Variants in SNX29 observed in about 807,000 individuals in gnomAD.
SNX29 encodes sorting nexin 29.
A neutral mutation model predicts 102.1 loss-of-function variants in SNX29; 78 were observed. That is an observed-to-expected ratio of 0.76 (90% CI 0.64 to 0.92). The LOEUF is 0.92. SNX29 is among the 40% of genes least tolerant of loss of function. SNX29 has a pLI of 0.00. For missense variants in SNX29, 1,280 were observed against 1,061.7 expected (o/e 1.21, Z -2.86); for synonymous variants, 580 against 414.5 (o/e 1.40, Z -4.85).
intron 8 of SNX29, 121 bp downstream of exon 8, chr16:12,052,343 A>C (rs2050343511): frequency 8.9e-7 from 1 of 1,129,622 alleles, no homozygotes. Context: ...CAGCCTCCCG[A>C]GTAGCTGGGA....
intron 20 of SNX29, chr16:12,526,766 C>G: frequency 4.7e-6 from 2 of 429,926 alleles, no homozygotes; most frequent in South Asian, 4.2e-5. Flanking sequence ...GCCCCATCCG[C>G]AAGTCAGTGT....
At chr16:12,371,604 C>T (rs536789487) in intron 16 of SNX29, among the ~76,000 whole-genome samples, 11 of 152,300 alleles carry the variant, frequency 7.2e-5, no homozygotes, top group African/African-American at 2.6e-4. Flanking sequence ...TGCACCCAGC[C>T]AGATTTTTAT....
At chr16:12,479,457 C>G (rs1294820554) in intron 19 of SNX29, among the ~76,000 whole-genome samples, 2 of 152,134 alleles carry the variant, frequency 1.3e-5, no homozygotes, top group African/African-American at 4.8e-5. Flanking sequence ...CCTGATCACG[C>G]CAAGGTCTGC....
At chr16:12,558,273 G>C (rs964363136) in intron 20 of SNX29, among the ~76,000 whole-genome samples, 3 of 152,086 alleles carry the variant, frequency 2.0e-5, no homozygotes, top group Non-Finnish European at 4.4e-5. Flanking sequence ...GAAATGTCAG[G>C]CTGAGCCAGC....
chr16:12,170,760 G>T (rs1372818501), intron 13 of SNX29, among the ~76,000 whole-genome samples: 2 of 123,442 alleles, frequency 1.6e-5, no homozygotes, highest in Non-Finnish European at 1.5e-5. Flanking sequence ...GTGTGTGTGT[G>T]AGAGGAGTGT....
At chr16:12,039,858 A>G (rs577891014) in intron 4 of SNX29, among the ~76,000 whole-genome samples, 4 of 152,226 alleles carry the variant, frequency 2.6e-5, no homozygotes, top group Non-Finnish European at 4.4e-5. Context: ...TCCTGGCTTC[A>G]GACCTTGTCT....
Position 12,571,595 on chromosome 16 carries a change from C to T in SNX29, c.*2966C>T. 1 of 1,059,848 alleles carries T rather than the reference C, an allele frequency of 9.4e-7. No individual in the cohort carries two copies. The highest frequency in any genetic ancestry group is 1.1e-6 in the Non-Finnish European group (1 of 875,484). 65.7% of individuals were successfully genotyped at this position (1,059,848 alleles called of 1,614,324 possible). A position where few individuals can be genotyped will look rare whatever the true frequency, so the allele number is the denominator to read the frequency against. On this transcript the variant is annotated 3_prime_UTR_variant, in exon 21 of 21. Transcript: ENST00000566228. ...GTCTTCATGGCCTGCTGTGCTGAAACAGAACAGCAGGTTCCATCTTTCACA... is the reference window on the plus strand; with the variant it reads ...GTCTTCATGGCCTGCTGTGCTGAAATAGAACAGCAGGTTCCATCTTTCACA...
intron 15 of SNX29, among the ~76,000 whole-genome samples, chr16:12,319,050 C>T (rs1237139383): frequency 1.3e-5 from 2 of 152,178 alleles, no homozygotes; most frequent in Non-Finnish European, 2.9e-5. Context: ...TTCTTCACAT[C>T]CCCAGTAAAA....
At chr16:12,151,129 C>A (rs1400029123) in intron 13 of SNX29, among the ~76,000 whole-genome samples, 1 of 152,150 alleles carries the variant, frequency 6.6e-6, no homozygotes, top group East Asian at 1.9e-4. Flanking sequence ...TGTACCCATC[C>A]CCCAGTCTTC....
chr16:12,562,789 A>C (rs559234328), intron 20 of SNX29, among the ~76,000 whole-genome samples: 1 of 152,116 alleles, frequency 6.6e-6, no homozygotes, highest in Non-Finnish European at 1.5e-5. Flanking sequence ...AGCCATCACC[A>C]TCAAGATGTG....
chr16:12,460,661 T>TC, intron 18 of SNX29, among the ~76,000 whole-genome samples: 1 of 150,886 alleles, frequency 6.6e-6, no homozygotes, highest in East Asian at 1.9e-4. Flanking sequence ...TGAACTCTTT[T>TC]TTTTTTTTTT....
intron 4 of SNX29, among the ~76,000 whole-genome samples, chr16:12,031,262 G>A (rs1422684710): frequency 4.0e-5 from 6 of 151,698 alleles, no homozygotes; most frequent in Admixed American, 3.9e-4. Flanking sequence ...GGTAGAGATG[G>A]GGTTTCCTCA....
chr16:12,550,646 G>A lies in SNX29; in HGVS notation c.2319-17860G>A, dbSNP rs188326719. Among the ~76,000 whole-genome samples the A allele has an allele frequency of 6.9e-3, 1,051 of 152,070 alleles. 9 individuals carry two copies. The highest frequency in any genetic ancestry group is 0.014 in the Middle Eastern group (4 of 294). On this transcript the variant is annotated intron_variant, in intron 20 of 20. Coordinates refer to ENST00000566228, the MANE Select transcript of SNX29 (RefSeq NM_032167.5). Reference sequence around the variant, plus strand: ...TAGAAAGACACATTAAAAAGTAACCGTCACTTAGTGGAGGACCAAGGTGGG... The same window carrying A: ...TAGAAAGACACATTAAAAAGTAACCATCACTTAGTGGAGGACCAAGGTGGG...
At position 12,572,313 on chromosome 16, in the gene SNX29, G is replaced by C. The variant is rs554330956; in HGVS notation, c.*3684G>C. 2.3e-5 allele frequency: 24 copies of C among 1,063,064 alleles called. No homozygotes were observed. In the East Asian group the frequency reaches 1.0e-3, roughly 45 times the overall value. 65.9% of individuals were successfully genotyped at this position (1,063,064 alleles called of 1,614,324 possible). ...GGGCCAGTGATCACAATCCAGGTTGGAAACAGGAGTGAAGCCCACCAGCCT... is the reference window on the plus strand; with the variant it reads ...GGGCCAGTGATCACAATCCAGGTTGCAAACAGGAGTGAAGCCCACCAGCCT... On this transcript the variant is annotated 3_prime_UTR_variant, in exon 21 of 21. Transcript: ENST00000566228.
At chr16:12,539,972 A>G (rs2077252774) in intron 20 of SNX29, among the ~76,000 whole-genome samples, 1 of 152,064 alleles carries the variant, frequency 6.6e-6, no homozygotes, top group South Asian at 2.1e-4. Context: ...AGTTGCACAT[A>G]TTTTCTTCTA....
At chr16:12,388,224 G>A (rs535830268) in intron 16 of SNX29, among the ~76,000 whole-genome samples, 77 of 152,262 alleles carry the variant, frequency 5.1e-4, no homozygotes, top group African/African-American at 1.7e-3. Context: ...GCACAACTTG[G>A]GATTCAGCCA....
intron 15 of SNX29, among the ~76,000 whole-genome samples, chr16:12,299,019 G>A (rs1481525562): frequency 1.3e-5 from 2 of 151,480 alleles, no homozygotes; most frequent in Non-Finnish European, 2.9e-5. Context: ...AAAAAATAGG[G>A]CTGGGCACGG....
intron 14 of SNX29, among the ~76,000 whole-genome samples, chr16:12,224,287 C>T (rs1188330730): frequency 1.3e-5 from 2 of 152,138 alleles, no homozygotes; most frequent in African/African-American, 4.8e-5. Flanking sequence ...CTCCTTCCTC[C>T]CTCCTTCTTT....
chr16:12,365,652 C>T (rs1262778437), intron 16 of SNX29, among the ~76,000 whole-genome samples: 1 of 150,214 alleles, frequency 6.7e-6, no homozygotes, highest in South Asian at 2.1e-4. Flanking sequence ...GATCACGCAA[C>T]TACACTCCAG....
Sources: gnomAD v4.1 joint callset for allele counts (sites outside exome capture counted in the v4.1 genomes callset) on GRCh38, gnomAD v4.1.1 for gene constraint, MANE v1.5 for transcripts, NCBI Gene and HGNC (gene_info 2026-07-23, HGNC 2026-07-21) for gene names.